The following GPN1 variants were observed in gnomAD, a reference collection of about 807,000 sequenced individuals.
GPN1 encodes the protein ATP(GTP)-binding protein.
A neutral mutation model predicts 55.9 loss-of-function variants in GPN1; 44 were observed. The observed-to-expected ratio is 0.79, with a 90% CI of 0.62 to 1.01. GPN1 has a LOEUF of 1.01. GPN1 is among the 50% of genes least tolerant of loss of function. GPN1 has a pLI of 0.00. For synonymous variants in GPN1, 179 were observed against 162.5 expected (o/e 1.10, Z -0.77); for missense variants, 466 against 462.8 (o/e 1.01, Z -0.06).
At chr2:27,640,198 A>G in intron 10 of GPN1, 73 bp downstream of exon 10, 1 of 989,012 alleles carries the variant, frequency 1.0e-6, no homozygotes, top group Non-Finnish European at 1.6e-6. Flanking sequence ...CAGTTTTTCC[A>G]GGAAAAGCAT....
rs1674540982 is a variant in GPN1 at position 27,651,403 on chromosome 2, T to C, written c.*1203T>C. 6.6e-6 allele frequency: 1 copy of C among 152,368 alleles called. No homozygotes were observed. The highest frequency in any genetic ancestry group is 1.5e-5 in the Non-Finnish European group (1 of 68,044). The allele number at this position is 152,368 out of a possible 1,614,324, so 9.4% of individuals were successfully genotyped here. A position where few individuals can be genotyped will look rare whatever the true frequency, so the allele number is the denominator to read the frequency against. On this transcript the variant is annotated 3_prime_UTR_variant, in exon 14 of 14. Coordinates refer to ENST00000610189, the MANE Select transcript of GPN1 (RefSeq NM_007266.4). The stretch of plus-strand genomic sequence containing the variant: ...ATTCCAGACCAGGTGAATCTCAAGA[T>C]ACTAATCCTCACATCATTTGCCTTC...
At position 27,638,870 on chromosome 2, in the gene GPN1, T is replaced by A; in HGVS notation, c.571-15T>A. On this transcript the variant is annotated splice_polypyrimidine_tract_variant and intron_variant, in intron 8 of 13. Coordinates refer to ENST00000610189, the MANE Select transcript of GPN1 (RefSeq NM_007266.4). The stretch of plus-strand genomic sequence containing the variant: ...TTGGCTCTGGTTGCTCATAATTGAC[T>A]TCTCTCTGGTACAGACTGACATCAT... The A allele has an allele frequency of 6.3e-7, 1 of 1,586,046 alleles. No homozygotes were observed. The highest frequency in any genetic ancestry group is 8.6e-7 in the Non-Finnish European group (1 of 1,169,202).
intron 11 of GPN1, among the ~76,000 whole-genome samples, chr2:27,641,555 G>C (rs1473607853): frequency 6.6e-6 from 1 of 152,106 alleles, no homozygotes; most frequent in Non-Finnish European, 1.5e-5. Flanking sequence ...TTTAAAGCTA[G>C]TTGTAGAATT....
At chr2:27,647,804 A>G in intron 12 of GPN1, 32 bp from the exon 13 acceptor site, 1 of 1,228,304 alleles carries the variant, frequency 8.1e-7, no homozygotes, top group Non-Finnish European at 1.2e-6. Context: ...CTTTTTGAGG[A>G]GGCATATCAC....
intron 11 of GPN1, 117 bp downstream of exon 11, chr2:27,641,396 A>C: frequency 1.5e-6 from 1 of 682,946 alleles, no homozygotes. Flanking sequence ...TAATTAAAAA[A>C]GTTTTTTTTG....
At chr2:27,645,220 C>T (rs1415069037) in intron 12 of GPN1, among the ~76,000 whole-genome samples, 1 of 152,182 alleles carries the variant, frequency 6.6e-6, no homozygotes, top group East Asian at 1.9e-4. Flanking sequence ...GTCCTCCTGT[C>T]TTGGCCTCCC....
At chr2:27,634,818 ACTT>A in intron 5 of GPN1, 25 bp from the exon 6 acceptor site, 3 of 1,238,108 alleles carry the variant, frequency 2.4e-6, no homozygotes, top group Non-Finnish European at 3.6e-6. Context: ...CAAATGTAAC[ACTT>A]CTTTAATGAT....
chr2:27,643,533 T>C lies in GPN1; in HGVS notation c.931+1014T>C, dbSNP rs191642927. Among the ~76,000 whole-genome samples the C allele has an allele frequency of 1.1e-3, 171 of 152,238 alleles. No homozygotes were observed. The highest frequency in any genetic ancestry group is 1.9e-3 in the Non-Finnish European group (127 of 68,012). Reference sequence around the variant, plus strand: ...ACTATAATATTAGCTAACATATAGATCTTATTCAGATGTAGCCATTTCCCC... The same window carrying C: ...ACTATAATATTAGCTAACATATAGACCTTATTCAGATGTAGCCATTTCCCC... On this transcript the variant is annotated intron_variant, in intron 12 of 13. Transcript: ENST00000610189. The surrounding 1 kb of genome is among the most constrained non-coding windows in gnomAD (Gnocchi z 4.0).
intron 7 of GPN1, among the ~76,000 whole-genome samples, chr2:27,637,765 A>G (rs1388706069): frequency 6.6e-6 from 1 of 152,180 alleles, no homozygotes; most frequent in Non-Finnish European, 1.5e-5. Flanking sequence ...CTGACATGAC[A>G]CTCAGAGGAA....
rs1387159408 is a variant in GPN1, at chr2:27,631,220, A to G, written c.245+154A>G. On this transcript the variant is annotated intron_variant, in intron 3 of 13. Coordinates refer to ENST00000610189, the MANE Select transcript of GPN1 (RefSeq NM_007266.4). ...GGAGAGGTAGGTGATCAGAAATACT[A>G]TTTCAGCTTGAGATTTTAGTTTTCT... 4.9e-6 allele frequency: 3 copies of G among 615,534 alleles called. No homozygotes were observed. In the African/African-American group the frequency reaches 5.6e-5, roughly 11 times the overall value. The allele number at this position is 615,534 out of a possible 1,614,324, so 38.1% of individuals were successfully genotyped here.
intron 13 of GPN1, among the ~76,000 whole-genome samples, chr2:27,648,816 T>C (rs1302057811): frequency 6.6e-6 from 1 of 152,122 alleles, no homozygotes; most frequent in East Asian, 2.0e-4. Context: ...TTTATATTTT[T>C]AGTAGAGACG....
Position 27,631,912 on chromosome 2 carries a change from T to G in GPN1, c.312+12T>G. Reference sequence around the variant, plus strand: ...CCAGATTTGATCAGGTATATCTGTCTTTAGTATATTAATATGGTTGTGTAA... The same window carrying G: ...CCAGATTTGATCAGGTATATCTGTCGTTAGTATATTAATATGGTTGTGTAA... On this transcript the variant is annotated intron_variant, in intron 4 of 13. Transcript: ENST00000610189. The G allele has an allele frequency of 7.0e-7, 1 of 1,424,034 alleles. No individual in the cohort carries two copies. 88.2% of individuals were successfully genotyped at this position (1,424,034 alleles called of 1,614,324 possible).
intron 12 of GPN1, among the ~76,000 whole-genome samples, chr2:27,644,942 C>T (rs13403521): frequency 0.057 from 8,686 of 151,780 alleles, 686 homozygotes; most frequent in African/African-American, 0.18. Flanking sequence ...CTTGAGTATA[C>T]TTCTATATTA....
intron 7 of GPN1, among the ~76,000 whole-genome samples, chr2:27,636,505 AT>A (rs1673737494): frequency 6.6e-6 from 1 of 151,748 alleles, no homozygotes; most frequent in Non-Finnish European, 1.5e-5. Context: ...ATTTATTTAT[AT>A]TTTTTCGAGA....
At chr2:27,647,705 A>G in intron 12 of GPN1, 131 bp from the exon 13 acceptor site, 1 of 613,504 alleles carries the variant, frequency 1.6e-6, no homozygotes, top group Non-Finnish European at 3.0e-6. Flanking sequence ...CAATACATTT[A>G]GAAGAGGTAA....
At position 27,629,931 on chromosome 2, in the gene GPN1, G is replaced by C; in HGVS notation, c.184G>C (p.Val62Leu). ...VINLDPAVHE[V>L]PFPANIDIRD... Reference sequence around the variant, plus strand: ...CAACCTGGATCCAGCAGTACATGAAGTTCCCTTTCCTGCCAATATTGGTGA... The same window carrying C: ...CAACCTGGATCCAGCAGTACATGAACTTCCCTTTCCTGCCAATATTGGTGA... Residue 62 changes from valine to leucine, a missense_variant, in exon 2 of 14, where the codon GTT becomes CTT. Physicochemically the swap from Val to Leu is conservative, Grantham distance 32. Transcript: ENST00000610189. 1 of 1,598,618 alleles carries C rather than the reference G, an allele frequency of 6.3e-7. No individual in the cohort carries two copies. The highest frequency in any genetic ancestry group is 8.6e-7 in the Non-Finnish European group (1 of 1,165,856).
At chr2:27,630,931 T>C (rs1441133966) in intron 2 of GPN1, 96 bp from the exon 3 acceptor site, 2 of 713,960 alleles carry the variant, frequency 2.8e-6, no homozygotes, top group East Asian at 5.3e-5. Flanking sequence ...TAGAAGAGAA[T>C]GCTGACAGGA....
At chr2:27,644,475 G>A (rs1239964117) in intron 12 of GPN1, among the ~76,000 whole-genome samples, 1 of 151,812 alleles carries the variant, frequency 6.6e-6, no homozygotes, top group Non-Finnish European at 1.5e-5. Flanking sequence ...ATCTTTTATT[G>A]CATCTGGGAT....
intron 9 of GPN1, among the ~76,000 whole-genome samples, chr2:27,639,629 C>T (rs1673861015): frequency 6.6e-6 from 1 of 152,038 alleles, no homozygotes; most frequent in Non-Finnish European, 1.5e-5. Context: ...AAGGGATCCT[C>T]CTGCCTCAGC....
Sources: gnomAD v4.1 joint callset for allele counts (sites outside exome capture counted in the v4.1 genomes callset) on GRCh38, gnomAD v4.1.1 for gene constraint, Gnocchi (gnomAD v3.1) non-coding constraint, MANE v1.5 for transcripts, NCBI Gene and HGNC (gene_info 2026-07-23, HGNC 2026-07-21) for gene names.